The following RREB1 variants were observed in gnomAD, a reference collection of about 807,000 sequenced individuals.
The protein encoded by RREB1 is ras responsive element binding protein 1.
In RREB1, 27 loss-of-function variants were observed where a neutral mutation model predicts 117.8. The observed-to-expected ratio is 0.23, with a 90% confidence interval of 0.17 to 0.32. RREB1 has a LOEUF of 0.32. Among genes scored for constraint, RREB1 ranks in the 10% least tolerant of loss-of-function variants. The pLI is 1.00. For synonymous variants in RREB1, 1,298 were observed against 1,026.7 expected (o/e 1.26, Z -5.05); for missense variants, 2,577 against 2,378.2 (o/e 1.08, Z -1.74).
chr6:7,209,882 A>G (rs549152762), intron 6 of RREB1, among the ~76,000 whole-genome samples: 16 of 152,272 alleles, frequency 1.1e-4, no homozygotes, highest in Non-Finnish European at 1.9e-4. Context: ...AGCTGTGGCT[A>G]TGGTCCTAAA....
chr6:7,146,990 G>A (rs1762895801), intron 1 of RREB1, among the ~76,000 whole-genome samples: 1 of 152,168 alleles, frequency 6.6e-6, no homozygotes, highest in Non-Finnish European at 1.5e-5. Context: ...CATGCATTTT[G>A]TAGTTTATGG....
chr6:7,207,233 TTTC>T (rs1210611504), intron 6 of RREB1, among the ~76,000 whole-genome samples: 1 of 152,228 alleles, frequency 6.6e-6, no homozygotes, highest in Admixed American at 6.5e-5. Flanking sequence ...TTAAGACAGA[TTTC>T]TAGGAGTAGA....
chr6:7,183,174 T>G (rs1024363461), intron 4 of RREB1: 9 of 152,196 alleles, frequency 5.9e-5, no homozygotes, highest in Non-Finnish European at 1.2e-4. Flanking sequence ...TTCAGTGATG[T>G]TTTAGGGTTG....
intron 1 of RREB1, among the ~76,000 whole-genome samples, chr6:7,156,346 G>GA (rs1378948503): frequency 3.3e-5 from 5 of 152,198 alleles, no homozygotes; most frequent in African/African-American, 1.2e-4. Context: ...CTAAACAAAA[G>GA]AAAGAACTGA....
chr6:7,211,421 T>C, intron 7 of RREB1, 152 bp from the exon 8 acceptor site: 1 of 648,284 alleles, frequency 1.5e-6, no homozygotes, highest in Admixed American at 2.8e-5. Flanking sequence ...GTTGTGTGAA[T>C]GAATGAATGG....
rs2113219698 is a variant in RREB1 at position 7,250,978 on chromosome 6, A to C, written c.*2010A>C. 1 of 151,978 alleles carries C rather than the reference A, an allele frequency of 6.6e-6. No individual in the cohort carries two copies. The highest frequency in any genetic ancestry group is 2.1e-4 in the South Asian group (1 of 4,814). The allele number at this position is 151,978 out of a possible 1,614,324, so 9.4% of individuals were successfully genotyped here. A position where few individuals can be genotyped will look rare whatever the true frequency, so the allele number is the denominator to read the frequency against. ...ATCCCTTAGGGTTTTTATTATTATTATTATTATTATTACAGTTGTTATTGT... is the reference window on the plus strand; with the variant it reads ...ATCCCTTAGGGTTTTTATTATTATTCTTATTATTATTACAGTTGTTATTGT... On this transcript the variant is annotated 3_prime_UTR_variant, in exon 13 of 13. Transcript: ENST00000379938.
chr6:7,226,921 C>T (rs1026937842), intron 9 of RREB1, among the ~76,000 whole-genome samples: 1 of 152,238 alleles, frequency 6.6e-6, no homozygotes, highest in Non-Finnish European at 1.5e-5. Flanking sequence ...GCCTTTTGTC[C>T]GTTCTTGGGT....
intron 4 of RREB1, 86 bp downstream of exon 4, chr6:7,182,168 C>A: frequency 7.9e-7 from 1 of 1,269,838 alleles, no homozygotes; most frequent in Non-Finnish European, 1.1e-6. Context: ...TATGATAAAA[C>A]CTTGGAAGAA....
At chr6:7,200,577 AT>A (rs1474643520) in intron 6 of RREB1, among the ~76,000 whole-genome samples, 1 of 152,052 alleles carries the variant, frequency 6.6e-6, no homozygotes, top group African/African-American at 2.4e-5. Context: ...CCTATTTTAT[AT>A]TTTTGAAGAA....
At position 7,117,388 on chromosome 6, in the gene RREB1, GTTTTTTTTTTTTTTTTTTTTTTTTTTTT is replaced by G. The variant is rs70978941; in HGVS notation, c.-285+9338_-285+9365del. ...GGTGAACCATGTGAATAGGTTTCCTGTTTTTTTTTTTTTTTTTTTTTTTTTTTTTTTTTTTTTGAGACGAAGTGTTTTA... is the reference window on the plus strand; with the variant it reads ...GGTGAACCATGTGAATAGGTTTCCTGTTTTTTTTTGAGACGAAGTGTTTTA... On this transcript the variant is annotated intron_variant, in intron 1 of 12. Coordinates refer to ENST00000379938, the MANE Select transcript of RREB1 (RefSeq NM_001003699.4). Among the ~76,000 whole-genome samples the G allele has an allele frequency of 7.9e-5, 5 of 63,294 alleles. No homozygotes were observed. The South Asian group carries it at 3.8e-3, about 48-fold the overall frequency. The allele number at this position is 63,294 out of a possible 152,430, so 41.5% of individuals were successfully genotyped here.
chr6:7,112,478 T>G (rs1761192287), intron 1 of RREB1, among the ~76,000 whole-genome samples: 1 of 152,222 alleles, frequency 6.6e-6, no homozygotes, highest in Admixed American at 6.5e-5. Context: ...TCTCTTTCTT[T>G]CCTGATTTAG....
chr6:7,245,367 C>G (rs1561807749), intron 11 of RREB1, among the ~76,000 whole-genome samples: 2 of 152,110 alleles, frequency 1.3e-5, no homozygotes, highest in Non-Finnish European at 2.9e-5. Flanking sequence ...TGCACTCCAG[C>G]CTGGGCGACA....
chr6:7,143,132 C>G (rs1221937556), intron 1 of RREB1, among the ~76,000 whole-genome samples: 3 of 152,216 alleles, frequency 2.0e-5, no homozygotes, highest in African/African-American at 7.2e-5. Context: ...TAAGGAAATT[C>G]TCCCATCTGA....
chr6:7,227,184 T>C (rs1048973861), intron 9 of RREB1, among the ~76,000 whole-genome samples: 4 of 151,854 alleles, frequency 2.6e-5, no homozygotes, highest in African/African-American at 9.7e-5. Flanking sequence ...TGAGGCTGCA[T>C]TGAGCCATGA....
chr6:7,147,423 C>CT (rs1228883737), intron 1 of RREB1, among the ~76,000 whole-genome samples: 3 of 152,196 alleles, frequency 2.0e-5, no homozygotes, highest in Non-Finnish European at 4.4e-5. Flanking sequence ...TCCCCAAAGG[C>CT]TTACTGCCTT....
chr6:7,196,572 T>C (rs920942102), intron 6 of RREB1, among the ~76,000 whole-genome samples: 4 of 152,318 alleles, frequency 2.6e-5, no homozygotes, highest in African/African-American at 9.6e-5. Flanking sequence ...AGCCTATAAC[T>C]TACTATACTT....
At chr6:7,188,696 C>T (rs1191936832) in intron 5 of RREB1, among the ~76,000 whole-genome samples, 4 of 152,030 alleles carry the variant, frequency 2.6e-5, no homozygotes, top group East Asian at 1.9e-4. Context: ...TCCTTTTTAC[C>T]GTCTTTCAGA....
chr6:7,161,093 A>C (rs768852595), intron 1 of RREB1, among the ~76,000 whole-genome samples: 2 of 152,040 alleles, frequency 1.3e-5, no homozygotes, highest in Non-Finnish European at 2.9e-5. Flanking sequence ...GGCCTTGCAA[A>C]GTGCTGGGAT....
chr6:7,201,481 A>G (rs1316341809), intron 6 of RREB1, among the ~76,000 whole-genome samples: 1 of 151,754 alleles, frequency 6.6e-6, no homozygotes, highest in Non-Finnish European at 1.5e-5. Flanking sequence ...GAAGGTGATT[A>G]GTGGCAACAT....
Sources: allele counts gnomAD v4.1 joint callset (sites outside exome capture counted in the v4.1 genomes callset), GRCh38; gene constraint gnomAD v4.1.1; transcripts MANE v1.5; gene names NCBI Gene and HGNC (gene_info 2026-07-23, HGNC 2026-07-21).